The following DACH2 variants were observed in gnomAD, a reference collection of about 807,000 sequenced individuals.
DACH2 encodes dachshund homolog 2.
DACH2 carries 17 observed loss-of-function variants against 35.8 expected under a neutral mutation model. That is an observed-to-expected ratio of 0.48 (90% CI 0.33 to 0.71). The LOEUF is 0.71. DACH2 is among the 30% of genes least tolerant of loss of function. DACH2 has a pLI of 0.02. For synonymous variants in DACH2, 195 were observed against 177.3 expected, an observed-to-expected ratio of 1.10 and a Z score of -0.79; for missense variants, 469 against 472.7, an observed-to-expected ratio of 0.99 and a Z score of 0.07.
At chrX:86,232,185 C>T (rs1319039058) in intron 1 of DACH2, among the ~76,000 whole-genome samples, 2 of 111,322 alleles carry the variant, frequency 1.8e-5, no homozygotes, top group African/African-American at 3.3e-5. Context: ...GAAAAGATAA[C>T]ATATACACAA....
At chrX:86,405,679 C>A (rs1178104707) in intron 2 of DACH2, among the ~76,000 whole-genome samples, 4 of 111,752 alleles carry the variant, frequency 3.6e-5, no homozygotes, top group African/African-American at 1.3e-4. Flanking sequence ...GCCTGTTACC[C>A]AGTTCCAAAA....
intron 3 of DACH2, among the ~76,000 whole-genome samples, chrX:86,570,742 A>T (rs1414458171): frequency 1.8e-5 from 2 of 111,241 alleles, no homozygotes; most frequent in Admixed American, 9.6e-5. Context: ...TTAAAAAAAA[A>T]AGTCTGTTTA....
intron 4 of DACH2, among the ~76,000 whole-genome samples, chrX:86,668,605 GAATAAT>G (rs2040727304): frequency 9.0e-6 from 1 of 111,586 alleles, no homozygotes; most frequent in African/African-American, 3.2e-5. Context: ...GATGATACTG[GAATAAT>G]AATATGAGAG....
intron 2 of DACH2, among the ~76,000 whole-genome samples, chrX:86,418,669 T>G (rs1364852552): frequency 2.7e-5 from 3 of 111,073 alleles, no homozygotes; most frequent in Non-Finnish European, 5.7e-5. Flanking sequence ...CAAGGCCTCT[T>G]GGTCTGCGAT....
intron 2 of DACH2, among the ~76,000 whole-genome samples, chrX:86,420,534 CT>C (rs1569392098): frequency 1.8e-5 from 2 of 111,105 alleles, no homozygotes; most frequent in African/African-American, 6.5e-5. Context: ...AAACAGTTTT[CT>C]TTTTGTAACA....
intron 7 of DACH2, among the ~76,000 whole-genome samples, chrX:86,767,875 C>A (rs1385308857): frequency 8.9e-6 from 1 of 111,856 alleles, no homozygotes; most frequent in African/African-American, 3.2e-5. Context: ...GCCTGACCAT[C>A]TTCATAAAGT....
At chrX:86,808,446 T>G (rs1476680929) in intron 7 of DACH2, among the ~76,000 whole-genome samples, 1 of 111,497 alleles carries the variant, frequency 9.0e-6, no homozygotes, top group Non-Finnish European at 1.9e-5. Context: ...CTTAAAGAAA[T>G]ACAACAATTT....
intron 7 of DACH2, among the ~76,000 whole-genome samples, chrX:86,789,069 T>C (rs1447911390): frequency 2.7e-5 from 3 of 112,010 alleles, no homozygotes; most frequent in African/African-American, 9.7e-5. Flanking sequence ...ACCTTTATTC[T>C]CAATTTATAT....
chrX:86,685,171 G>A (rs1263662191), intron 4 of DACH2, among the ~76,000 whole-genome samples: 1 of 111,283 alleles, frequency 9.0e-6, no homozygotes, highest in African/African-American at 3.3e-5. Flanking sequence ...GTATTGTGTT[G>A]TTCACTTTGT....
chrX:86,429,258 A>G (rs1278142228), intron 2 of DACH2, among the ~76,000 whole-genome samples: 1 of 111,804 alleles, frequency 8.9e-6, no homozygotes, highest in Non-Finnish European at 1.9e-5. Flanking sequence ...TATAGAGTGA[A>G]GAATCCCTTT....
At chrX:86,808,867 TTA>T (rs1437243116) in intron 7 of DACH2, among the ~76,000 whole-genome samples, 4 of 111,433 alleles carry the variant, frequency 3.6e-5, no homozygotes, top group Admixed American at 9.6e-5. Flanking sequence ...AAAATAAGCA[TTA>T]GAGTCATGTA....
At chrX:86,819,012 GT>G (rs1346384917) in intron 11 of DACH2, among the ~76,000 whole-genome samples, 78 of 106,012 alleles carry the variant, frequency 7.4e-4, no homozygotes, top group Non-Finnish European at 5.8e-4. Context: ...ACTATATATA[GT>G]ATATATACAT....
intron 3 of DACH2, among the ~76,000 whole-genome samples, chrX:86,599,287 T>C (rs141349506): frequency 0.04 from 4,397 of 111,012 alleles, 218 homozygotes; most frequent in African/African-American, 0.14. Context: ...GGCTCATTTC[T>C]CTCAGAATGA....
chrX:86,580,210 A>G (rs1048389201), intron 3 of DACH2, among the ~76,000 whole-genome samples: 1 of 111,947 alleles, frequency 8.9e-6, no homozygotes, highest in African/African-American at 3.2e-5. Flanking sequence ...ATCAAAGAAG[A>G]TAACATTTTT....
intron 1 of DACH2, among the ~76,000 whole-genome samples, chrX:86,154,352 A>G (rs1469290583): frequency 9.0e-6 from 1 of 111,339 alleles, no homozygotes; most frequent in Non-Finnish European, 1.9e-5. Flanking sequence ...AAGACATCAA[A>G]CCTTTCCCTC....
Position 86,700,588 on chromosome X carries a change from A to G in DACH2, c.931+5409A>G, listed in dbSNP as rs927313633. 4.5e-5 allele frequency among the ~76,000 whole-genome samples: 5 copies of G among 111,049 alleles called. No homozygotes were observed. In the East Asian group the frequency reaches 1.1e-3, roughly 25 times the overall value. ...TCTTTGAAAAAAATAATAAGATAAC[A>G]TAAACCACTAACTAGACTAACAAAG... On this transcript the variant is annotated intron_variant, in intron 5 of 11. Coordinates refer to ENST00000373125, the MANE Select transcript of DACH2 (RefSeq NM_053281.3).
At chrX:86,332,444 A>G (rs955038322) in intron 1 of DACH2, among the ~76,000 whole-genome samples, 3 of 111,833 alleles carry the variant, frequency 2.7e-5, no homozygotes, top group African/African-American at 9.7e-5. Context: ...AATGAGGCAG[A>G]TTCTGACTGC....
At chrX:86,700,545 AG>A (rs1446122229) in intron 5 of DACH2, among the ~76,000 whole-genome samples, 1 of 103,385 alleles carries the variant, frequency 9.7e-6, no homozygotes, top group African/African-American at 3.6e-5. Context: ...AAAAAAAAAA[AG>A]GAATCCATGA....
At chrX:86,794,239 G>A (rs1347865011) in intron 7 of DACH2, among the ~76,000 whole-genome samples, 12 of 110,349 alleles carry the variant, frequency 1.1e-4, no homozygotes, top group South Asian at 7.6e-4. Flanking sequence ...AAGACACCAC[G>A]CCATTTGAAC....
Sources: allele counts gnomAD v4.1 joint callset (sites outside exome capture counted in the v4.1 genomes callset), GRCh38; gene constraint gnomAD v4.1.1; transcripts MANE v1.5; gene names NCBI Gene and HGNC (gene_info 2026-07-23, HGNC 2026-07-21).